The following THSD7B variants were observed in gnomAD, a reference collection of about 807,000 sequenced individuals.
THSD7B encodes thrombospondin type-1 domain-containing protein 7B.
In THSD7B, 138 loss-of-function variants were observed where a neutral mutation model predicts 213.6. The observed-to-expected ratio is 0.65, with a 90% confidence interval of 0.56 to 0.74. The LOEUF (loss-of-function observed/expected upper bound fraction) is 0.74. THSD7B is among the 30% of genes least tolerant of loss of function. THSD7B has a pLI of 0.00. For synonymous variants in THSD7B, 742 were observed against 687.0 expected (o/e 1.08, Z -1.25); for missense variants, 1,931 against 1,991.5 (o/e 0.97, Z 0.58).
At chr2:137,084,493 T>C (rs1687802629) in intron 3 of THSD7B, among the ~76,000 whole-genome samples, 1 of 152,204 alleles carries the variant, frequency 6.6e-6, no homozygotes, top group African/African-American at 2.4e-5. Context: ...ACATTTTACC[T>C]CTTCCATGGC....
intron 2 of THSD7B, among the ~76,000 whole-genome samples, chr2:137,007,171 G>A (rs1170142988): frequency 2.6e-5 from 4 of 152,166 alleles, no homozygotes; most frequent in Non-Finnish European, 5.9e-5. Context: ...GAATGTAAAT[G>A]TGTAGGCTGT....
intron 5 of THSD7B, among the ~76,000 whole-genome samples, chr2:137,122,562 AGGACTGTG>A (rs2104945142): frequency 6.6e-6 from 1 of 152,302 alleles, no homozygotes; most frequent in Admixed American, 6.5e-5. Context: ...AGATGAGGTA[AGGACTGTG>A]GGTTTAGGGT....
At chr2:136,786,500 C>T (rs555915510) in intron 1 of THSD7B, among the ~76,000 whole-genome samples, 28 of 152,190 alleles carry the variant, frequency 1.8e-4, no homozygotes, top group African/African-American at 6.5e-4. Flanking sequence ...TGAAATATAT[C>T]ACCTCCTGGA....
At position 137,404,474 on chromosome 2, in the gene THSD7B, T is replaced by TAC. The variant is rs1207612144; in HGVS notation, c.2501-1107_2501-1106dup. ...ATATATATATATATATATATATATA[T>TAC]ACACACACACACACACACACACACA... is the stretch of plus-strand genomic sequence containing the variant. On this transcript the variant is annotated intron_variant, in intron 12 of 27. Transcript: ENST00000409968. Among the ~76,000 whole-genome samples, 275 of 40,240 alleles carry TAC rather than the reference T, an allele frequency of 6.8e-3. 8 individuals are homozygous for TAC. Among genetic ancestry groups the TAC allele is most frequent in the African/African-American group, 0.021 (157 of 7,496 alleles). The allele number at this position is 40,240 out of a possible 152,430, so 26.4% of individuals were successfully genotyped here. A position where few individuals can be genotyped will look rare whatever the true frequency, so the allele number is the denominator to read the frequency against.
intron 12 of THSD7B, among the ~76,000 whole-genome samples, chr2:137,355,902 GC>G (rs371754394): frequency 3.3e-5 from 5 of 152,140 alleles, no homozygotes; most frequent in Admixed American, 1.3e-4. Flanking sequence ...ATGCTTCTTT[GC>G]CCATCTGCCT....
chr2:136,970,218 C>A (rs1480600387), intron 2 of THSD7B, among the ~76,000 whole-genome samples: 3 of 152,062 alleles, frequency 2.0e-5, no homozygotes, highest in Non-Finnish European at 4.4e-5. Context: ...AATCACAGCA[C>A]TTTGAGAGGC....
At chr2:137,374,708 A>G (rs1198845529) in intron 12 of THSD7B, among the ~76,000 whole-genome samples, 2 of 152,214 alleles carry the variant, frequency 1.3e-5, no homozygotes, top group Non-Finnish European at 2.9e-5. Flanking sequence ...CTAATCTTGC[A>G]AGTTCTCAAT....
chr2:137,473,093 G>GT (rs772865121), intron 15 of THSD7B, among the ~76,000 whole-genome samples: 1,994 of 132,816 alleles, frequency 0.015, 28 homozygotes, highest in African/African-American at 0.042. Flanking sequence ...ACTATTAATT[G>GT]TTTTTTTTTT....
At chr2:136,965,646 C>T (rs1685301594) in intron 2 of THSD7B, among the ~76,000 whole-genome samples, 2 of 152,106 alleles carry the variant, frequency 1.3e-5, no homozygotes, top group South Asian at 4.1e-4. Context: ...TCCTTGACAT[C>T]TCTGTTCTAT....
At chr2:136,980,958 C>T (rs1417814312) in intron 2 of THSD7B, among the ~76,000 whole-genome samples, 1 of 151,924 alleles carries the variant, frequency 6.6e-6, no homozygotes, top group Non-Finnish European at 1.5e-5. Flanking sequence ...CCTAGTCAGT[C>T]CCAGTGAGAT....
intron 15 of THSD7B, among the ~76,000 whole-genome samples, chr2:137,462,214 C>T (rs1400651828): frequency 6.6e-6 from 1 of 151,848 alleles, no homozygotes; most frequent in African/African-American, 2.4e-5. Flanking sequence ...GCTGTATACT[C>T]TGTTTACCAG....
intron 1 of THSD7B, among the ~76,000 whole-genome samples, chr2:136,804,101 T>G (rs1334396749): frequency 6.6e-6 from 1 of 152,136 alleles, no homozygotes; most frequent in Non-Finnish European, 1.5e-5. Context: ...AAAATTCACA[T>G]GAAAATACTC....
At chr2:136,807,569 C>T (rs1022699186) in intron 1 of THSD7B, among the ~76,000 whole-genome samples, 7 of 131,410 alleles carry the variant, frequency 5.3e-5, no homozygotes. Context: ...TGCAGTGGCA[C>T]AATCTTGGCT....
chr2:137,595,617 A>G (rs923693885), intron 17 of THSD7B, among the ~76,000 whole-genome samples: 1 of 151,978 alleles, frequency 6.6e-6, no homozygotes, highest in Non-Finnish European at 1.5e-5. Flanking sequence ...GAAATACTAA[A>G]ATTTCAGTTT....
At chr2:137,634,519 T>C (rs910365710) in intron 20 of THSD7B, among the ~76,000 whole-genome samples, 1 of 152,202 alleles carries the variant, frequency 6.6e-6, no homozygotes, top group Non-Finnish European at 1.5e-5. Flanking sequence ...TTATATTTCC[T>C]TTTCCATTAT....
chr2:137,616,462 A>G lies in THSD7B; in HGVS notation c.3565+146A>G, dbSNP rs1404584318. On this transcript the variant is annotated intron_variant, in intron 18 of 27. Coordinates refer to ENST00000409968, the MANE Select transcript of THSD7B (RefSeq NM_001316349.2). ...AAAAGCCTGAGGACTTCATGTTTCT[A>G]GTATCCCCTCACAGAAAGAAATGCC... 8 of 644,084 alleles carry G rather than the reference A, an allele frequency of 1.2e-5. 1 individual carries two copies. The highest frequency in any genetic ancestry group is 9.3e-5 in the African/African-American group (5 of 53,732). 39.9% of individuals were successfully genotyped at this position (644,084 alleles called of 1,614,324 possible).
At chr2:136,866,289 A>G (rs2435388) in intron 1 of THSD7B, among the ~76,000 whole-genome samples, 102,497 of 151,942 alleles carry the variant, frequency 0.67, 35,734 homozygotes, top group Non-Finnish European at 0.76. Context: ...TTTCTTTCTC[A>G]GGCTTTATTC....
rs138025113 is a variant in THSD7B, at chr2:137,241,396, CAA to C, written c.2151-1057_2151-1056del. Among the ~76,000 whole-genome samples the C allele has an allele frequency of 6.5e-3, 995 of 152,268 alleles. 11 individuals carry two copies. Among genetic ancestry groups the C allele is most frequent in the African/African-American group, 0.022 (910 of 41,556 alleles). ...AAAAACAAGCAAGCAAGCAAACAAA[CAA>C]AAACTCTCTTGCTATTTGCTGAGAC... On this transcript the variant is annotated intron_variant, in intron 9 of 27. Transcript: ENST00000409968.
intron 1 of THSD7B, among the ~76,000 whole-genome samples, chr2:136,827,912 A>G (rs953796419): frequency 6.6e-6 from 1 of 152,090 alleles, no homozygotes; most frequent in African/African-American, 2.4e-5. Context: ...CTATTTGCTC[A>G]TTCAGGGATA....
Sources: gnomAD v4.1 joint callset for allele counts (sites outside exome capture counted in the v4.1 genomes callset) on GRCh38, gnomAD v4.1.1 for gene constraint, MANE v1.5 for transcripts, NCBI Gene and HGNC (gene_info 2026-07-23, HGNC 2026-07-21) for gene names.